SOX5: variants seen among roughly 807,000 people sequenced by gnomAD.
SOX5 encodes transcription factor SOX-5.
In SOX5, 9 loss-of-function variants were observed where a neutral mutation model predicts 92.0. The ratio of observed to expected loss-of-function variants is 0.10; its 90% CI spans 0.06 to 0.17. SOX5 has a LOEUF of 0.17. Ranked by LOEUF, SOX5 falls within the 10% of genes least tolerant of loss-of-function variation. The pLI is 1.00. For missense variants in SOX5, 642 were observed against 944.5 expected (o/e 0.68, Z 4.20); for synonymous variants, 344 against 336.3 (o/e 1.02, Z -0.25).
At chr12:24,535,380 T>A (rs1423450206) in intron 1 of SOX5, among the ~76,000 whole-genome samples, 2 of 152,200 alleles carry the variant, frequency 1.3e-5, no homozygotes, top group Admixed American at 6.5e-5. Flanking sequence ...AGAAAAATCA[T>A]GATAAATTTG....
At chr12:24,191,758 A>G (rs1171045106) in intron 4 of SOX5, among the ~76,000 whole-genome samples, 1 of 152,182 alleles carries the variant, frequency 6.6e-6, no homozygotes, top group Non-Finnish European at 1.5e-5. Context: ...ATGGCAGGAA[A>G]GGATTAAAGT....
chr12:24,179,933 T>A (rs983673751), intron 4 of SOX5, among the ~76,000 whole-genome samples: 11 of 148,214 alleles, frequency 7.4e-5, no homozygotes. Flanking sequence ...CTTATAATCT[T>A]TTTTTTTATT....
intron 2 of SOX5, among the ~76,000 whole-genome samples, chr12:24,340,521 A>C (rs980204804): frequency 1.3e-4 from 20 of 152,234 alleles, no homozygotes; most frequent in African/African-American, 4.8e-4. Context: ...AAAGCTGTTG[A>C]GCAAGTTTCT....
At chr12:23,614,318 C>T (rs2076298579) in intron 8 of SOX5, among the ~76,000 whole-genome samples, 1 of 152,200 alleles carries the variant, frequency 6.6e-6, no homozygotes. Context: ...AGACCCTCCT[C>T]CCCCTTTTTG....
chr12:23,960,044 T>A (rs1171942470), intron 4 of SOX5, among the ~76,000 whole-genome samples: 1 of 152,200 alleles, frequency 6.6e-6, no homozygotes, highest in Non-Finnish European at 1.5e-5. Flanking sequence ...CTCAGCCACC[T>A]TCTCTTATTC....
chr12:24,354,007 A>G (rs1461426010), intron 2 of SOX5, among the ~76,000 whole-genome samples: 1 of 152,216 alleles, frequency 6.6e-6, no homozygotes, highest in South Asian at 2.1e-4. Context: ...TAATGAGGAA[A>G]TCAGTGGTGA....
chr12:24,054,460 C>T (rs1445535566), intron 4 of SOX5, among the ~76,000 whole-genome samples: 1 of 152,202 alleles, frequency 6.6e-6, no homozygotes, highest in Non-Finnish European at 1.5e-5. Context: ...GCATGGCTTT[C>T]TTCTTTGTTT....
chr12:24,441,046 T>C (rs1940478879), intron 1 of SOX5, among the ~76,000 whole-genome samples: 1 of 152,340 alleles, frequency 6.6e-6, no homozygotes, highest in South Asian at 2.1e-4. Context: ...ATTCTTATTG[T>C]AGGACTTTCA....
intron 3 of SOX5, among the ~76,000 whole-genome samples, chr12:23,791,390 T>C (rs1283316031): frequency 6.6e-6 from 1 of 152,262 alleles, no homozygotes; most frequent in Non-Finnish European, 1.5e-5. Context: ...CAGCCTCAAA[T>C]TGTAGGGCTC....
intron 1 of SOX5, among the ~76,000 whole-genome samples, chr12:24,476,365 C>T (rs1945377939): frequency 6.6e-6 from 1 of 152,178 alleles, no homozygotes; most frequent in Admixed American, 6.5e-5. Context: ...AAAACTGGCC[C>T]TCATCACAGA....
Position 24,056,578 on chromosome 12 carries a change from T to C in SOX5, c.-2+156765A>G, listed in dbSNP as rs1958126674. On this transcript the variant is annotated intron_variant, in intron 4 of 4. Coordinates refer to the SOX5 transcript ENST00000446891. ...GAAACTTCGATTCAATTCAATCCCA[T>C]GGCTTTGGGGAGGTGAGGTGCGTAT... is the stretch of plus-strand genomic sequence containing the variant. 3.9e-5 allele frequency among the ~76,000 whole-genome samples: 6 copies of C among 152,164 alleles called. No homozygotes were observed. The South Asian group carries it at 1.2e-3, about 32-fold the overall frequency.
At chr12:23,795,266 T>C (rs2095542307) in intron 3 of SOX5, among the ~76,000 whole-genome samples, 1 of 149,880 alleles carries the variant, frequency 6.7e-6, no homozygotes, top group Admixed American at 6.6e-5. Context: ...TCTTTTACCA[T>C]TGACTTTTTT....
At chr12:24,444,852 C>T (rs11047442) in intron 1 of SOX5, among the ~76,000 whole-genome samples, 29,309 of 152,140 alleles carry the variant, frequency 0.19, 2,964 homozygotes, top group Middle Eastern at 0.25. Flanking sequence ...TTCAACCTCT[C>T]TATCTGCCCA....
chr12:23,802,750 A>G (rs1646486806), intron 3 of SOX5, among the ~76,000 whole-genome samples: 1 of 152,146 alleles, frequency 6.6e-6, no homozygotes, highest in African/African-American at 2.4e-5. Context: ...CCATGGGTTT[A>G]TATGTCATAT....
At chr12:24,194,710 C>G (rs1321617942) in intron 4 of SOX5, among the ~76,000 whole-genome samples, 1 of 152,064 alleles carries the variant, frequency 6.6e-6, no homozygotes. Context: ...AAAAATAGAG[C>G]TGGCATTCAG....
At chr12:24,094,456 T>C (rs1945077291) in intron 4 of SOX5, among the ~76,000 whole-genome samples, 3 of 51,260 alleles carry the variant, frequency 5.9e-5, no homozygotes, top group East Asian at 1.5e-3. Context: ...ATTAGTGGCT[T>C]TTTTTTTTTT....
At chr12:24,392,612 C>T (rs1959109177) in intron 1 of SOX5, among the ~76,000 whole-genome samples, 1 of 152,082 alleles carries the variant, frequency 6.6e-6, no homozygotes, top group South Asian at 2.1e-4. Flanking sequence ...TACCCTCACC[C>T]TGTTTTATTT....
chr12:24,467,081 T>G (rs1250118835), intron 1 of SOX5, among the ~76,000 whole-genome samples: 2 of 152,228 alleles, frequency 1.3e-5, no homozygotes, highest in Non-Finnish European at 2.9e-5. Context: ...GATAAAGAGC[T>G]GGCCTTCACT....
intron 3 of SOX5, among the ~76,000 whole-genome samples, chr12:23,817,706 A>G (rs915405073): frequency 2.0e-5 from 3 of 152,242 alleles, no homozygotes; most frequent in Non-Finnish European, 4.4e-5. Context: ...TAAAAGATAT[A>G]TAATAGAATG....
Sources: gnomAD v4.1 joint callset for allele counts (sites outside exome capture counted in the v4.1 genomes callset) on GRCh38, gnomAD v4.1.1 for gene constraint, MANE v1.5 for transcripts, NCBI Gene and HGNC (gene_info 2026-07-23, HGNC 2026-07-21) for gene names.